The following ENTREP2 variants were observed in gnomAD, a reference collection of about 807,000 sequenced individuals.
ENTREP2 encodes protein ENTREP2.
chr15:29,336,236 T>C, the ENTREP2 span, among the ~76,000 whole-genome samples: 1 of 152,076 alleles, frequency 6.6e-6, no homozygotes, highest in Non-Finnish European at 1.5e-5. Flanking sequence ...CAATGATAAT[T>C]GGATGCGTGG....
chr15:29,136,402 C>T, the ENTREP2 span: 57 of 1,529,328 alleles, frequency 3.7e-5, no homozygotes, highest in African/African-American at 1.5e-4. Flanking sequence ...CCGCCTCGTA[C>T]GGAGGGGGGA....
chr15:29,657,157 C>T, the ENTREP2 span, among the ~76,000 whole-genome samples: 3 of 152,138 alleles, frequency 2.0e-5, no homozygotes, highest in African/African-American at 4.8e-5. Context: ...CGGCCATTCT[C>T]CTGCCTCCTC....
chr15:29,361,744 A>C, the ENTREP2 span, among the ~76,000 whole-genome samples: 2 of 152,176 alleles, frequency 1.3e-5, no homozygotes, highest in African/African-American at 2.4e-5. Context: ...TATCCAGGAC[A>C]GATAGAACAA....
the ENTREP2 span, among the ~76,000 whole-genome samples, chr15:29,333,735 A>G: frequency 0.89 from 134,955 of 152,058 alleles, 60,025 homozygotes; most frequent in Middle Eastern, 0.94. Context: ...AAATTCACAG[A>G]AATTCCTAAC....
the ENTREP2 span, among the ~76,000 whole-genome samples, chr15:29,588,647 GA>G: frequency 4.0e-5 from 6 of 151,800 alleles, no homozygotes; most frequent in Admixed American, 1.3e-4. Flanking sequence ...GAAGGAGAAA[GA>G]GGAAACCTGT....
the ENTREP2 span, chr15:29,136,468 G>T: frequency 1.3e-6 from 2 of 1,548,424 alleles, no homozygotes; most frequent in African/African-American, 2.7e-5. Flanking sequence ...ACAAAGTGCC[G>T]AATGGAGACG....
the ENTREP2 span, among the ~76,000 whole-genome samples, chr15:29,225,380 A>G: frequency 2.3e-3 from 357 of 152,368 alleles, 1 homozygote; most frequent in African/African-American, 8.2e-3. Context: ...ATCTCCCAAG[A>G]AATGCTAGAT....
chr15:29,468,154 T>G, the ENTREP2 span, among the ~76,000 whole-genome samples: 4 of 152,180 alleles, frequency 2.6e-5, no homozygotes, highest in Non-Finnish European at 5.9e-5. Context: ...GGGAGCACCC[T>G]CCTTCCAACA....
the ENTREP2 span, among the ~76,000 whole-genome samples, chr15:29,277,425 AT>A: frequency 3.9e-5 from 6 of 152,188 alleles, no homozygotes; most frequent in Non-Finnish European, 7.3e-5. Context: ...AATTTGGAAT[AT>A]AAATTAAAGC....
chr15:29,492,390 G>A, the ENTREP2 span, among the ~76,000 whole-genome samples: 1 of 152,094 alleles, frequency 6.6e-6, no homozygotes, highest in Non-Finnish European at 1.5e-5. Context: ...AACATTCTTT[G>A]GTTCTAATTA....
At chr15:29,662,248 A>G in the ENTREP2 span, among the ~76,000 whole-genome samples, 1 of 151,418 alleles carries the variant, frequency 6.6e-6, no homozygotes, top group African/African-American at 2.4e-5. Flanking sequence ...GAAAAAAGAA[A>G]ATGAAATAAA....
chr15:29,607,059 C>T, the ENTREP2 span, among the ~76,000 whole-genome samples: 6 of 152,144 alleles, frequency 3.9e-5, no homozygotes, highest in African/African-American at 1.4e-4. Context: ...TCTCGAATTC[C>T]TGGCCTCAAG....
At chr15:29,612,422 C>T in the ENTREP2 span, 1 of 151,924 alleles carries the variant, frequency 6.6e-6, no homozygotes, top group South Asian at 2.1e-4. Flanking sequence ...CGTGGCCCCT[C>T]TTAGAACCTT....
chr15:29,672,625 C>T, the ENTREP2 span, among the ~76,000 whole-genome samples: 1 of 151,980 alleles, frequency 6.6e-6, no homozygotes, highest in African/African-American at 2.4e-5. Context: ...TAGACAGAGC[C>T]GATTTATCAA....
chr15:29,465,532 T>C, the ENTREP2 span, among the ~76,000 whole-genome samples: 1 of 152,144 alleles, frequency 6.6e-6, no homozygotes, highest in Non-Finnish European at 1.5e-5. Context: ...TCTGATACCC[T>C]ACAGTAAAAG....
the ENTREP2 span, among the ~76,000 whole-genome samples, chr15:29,179,590 T>A: frequency 6.6e-6 from 1 of 151,474 alleles, no homozygotes; most frequent in African/African-American, 2.4e-5. Flanking sequence ...GTCTTTTTTT[T>A]TTTTTTTTGA....
the ENTREP2 span, among the ~76,000 whole-genome samples, chr15:29,247,856 G>A: frequency 6.6e-6 from 1 of 152,130 alleles, no homozygotes; most frequent in Non-Finnish European, 1.5e-5. Flanking sequence ...AATGCAAACA[G>A]ACCCAGAGGT....
chr15:29,223,546 G>A, the ENTREP2 span, among the ~76,000 whole-genome samples: 1 of 152,132 alleles, frequency 6.6e-6, no homozygotes, highest in African/African-American at 2.4e-5. Flanking sequence ...CGTGTAACTG[G>A]ATATCAGTTT....
chr15:29,183,603 C>T, the ENTREP2 span, among the ~76,000 whole-genome samples: 338 of 152,284 alleles, frequency 2.2e-3, no homozygotes, highest in Non-Finnish European at 3.6e-3. Context: ...AGAAGCCCCA[C>T]GAAGATGACT....
Sources: allele counts gnomAD v4.1 joint callset (sites outside exome capture counted in the v4.1 genomes callset), GRCh38; gene constraint gnomAD v4.1.1; transcripts MANE v1.5; gene names NCBI Gene and HGNC (gene_info 2026-07-23, HGNC 2026-07-21).